LDB2: variants seen among roughly 807,000 people sequenced by gnomAD.
The protein encoded by LDB2 is LIM domain-binding protein 2.
Under a neutral mutation model 44.3 loss-of-function variants are expected in LDB2, and 12 were observed. The observed-to-expected ratio is 0.27, with a 90% confidence interval of 0.17 to 0.44. The LOEUF is 0.44. LDB2 is among the 20% of genes least tolerant of loss of function. The pLI, the probability that LDB2 is intolerant of heterozygous loss-of-function variation, is 1.00. For missense variants in LDB2, 344 were observed against 473.5 expected, an observed-to-expected ratio of 0.73 and a Z score of 2.54; for synonymous variants, 164 against 174.8, an observed-to-expected ratio of 0.94 and a Z score of 0.49.
intron 1 of LDB2, among the ~76,000 whole-genome samples, chr4:16,848,602 T>C (rs1445728884): frequency 6.6e-6 from 1 of 152,172 alleles, no homozygotes; most frequent in Non-Finnish European, 1.5e-5. Flanking sequence ...AACAGGATTT[T>C]AGCAGAAGCT....
intron 1 of LDB2, among the ~76,000 whole-genome samples, chr4:16,807,351 T>G (rs998210281): frequency 3.9e-5 from 6 of 152,202 alleles, no homozygotes; most frequent in African/African-American, 1.2e-4. Context: ...AAGTCATTCT[T>G]CTAACCAGGA....
At chr4:16,749,960 C>A (rs1339519218) in intron 2 of LDB2, among the ~76,000 whole-genome samples, 1 of 152,172 alleles carries the variant, frequency 6.6e-6, no homozygotes, top group Non-Finnish European at 1.5e-5. Context: ...ACTTCATCAA[C>A]ACCCGCTTCT....
At chr4:16,864,783 G>A (rs1400353891) in intron 1 of LDB2, among the ~76,000 whole-genome samples, 1 of 151,966 alleles carries the variant, frequency 6.6e-6, no homozygotes, top group Non-Finnish European at 1.5e-5. Context: ...AAATTAGCTG[G>A]GCGTGGTGGC....
intron 2 of LDB2, among the ~76,000 whole-genome samples, chr4:16,693,536 T>TA (rs1410351073): frequency 6.6e-6 from 1 of 152,114 alleles, no homozygotes; most frequent in Non-Finnish European, 1.5e-5. Context: ...TTGTAGTTTT[T>TA]AGTAGAGACG....
At chr4:16,884,952 C>A (rs1369791194) in intron 1 of LDB2, among the ~76,000 whole-genome samples, 1 of 151,992 alleles carries the variant, frequency 6.6e-6, no homozygotes, top group Non-Finnish European at 1.5e-5. Flanking sequence ...TTGCATGACT[C>A]CAGAAGTTAA....
chr4:16,853,633 C>A (rs545914241), intron 1 of LDB2, among the ~76,000 whole-genome samples: 1 of 152,150 alleles, frequency 6.6e-6, no homozygotes, highest in Non-Finnish European at 1.5e-5. Flanking sequence ...TGGACATATA[C>A]CCAAAGGAAA....
rs1420533722 is a variant in LDB2, at chr4:16,512,110, A to G, written c.616-6T>C. ...GGCTCCAATATTACACACAACTGCA[A>G]GAAGTTCAAAGACATTGGCATTTCA... On this transcript the variant is annotated splice_polypyrimidine_tract_variant and splice_region_variant and intron_variant, in intron 5 of 7. Transcript: ENST00000304523. 3 of 1,602,662 alleles carry G rather than the reference A, an allele frequency of 1.9e-6. No individual in the cohort carries two copies. Among genetic ancestry groups the G allele is most frequent in the Non-Finnish European group, 2.6e-6 (3 of 1,173,070 alleles).
At chr4:16,706,908 G>C (rs1273462909) in intron 2 of LDB2, among the ~76,000 whole-genome samples, 1 of 152,076 alleles carries the variant, frequency 6.6e-6, no homozygotes, top group African/African-American at 2.4e-5. Context: ...AGTAGTGTAC[G>C]AGCATAGCCT....
intron 1 of LDB2, among the ~76,000 whole-genome samples, chr4:16,778,075 T>C (rs1772345255): frequency 6.6e-6 from 1 of 152,174 alleles, no homozygotes; most frequent in Admixed American, 6.5e-5. Context: ...GCTCTCAGCA[T>C]ACCTCAACTT....
chr4:16,857,967 A>C (rs1789695597), intron 1 of LDB2, among the ~76,000 whole-genome samples: 1 of 151,998 alleles, frequency 6.6e-6, no homozygotes, highest in African/African-American at 2.4e-5. Context: ...TTGTTCAATA[A>C]ATATATTGAC....
In LDB2 at chr4:16,699,297, C is replaced by G. The variant is rs182811366; in HGVS notation, c.235+59861G>C. ...AAAGATTCTGCCATTCCTTTTTGAT[C>G]CATGTTGGAAAAATCCAACCAACGC... is the stretch of plus-strand genomic sequence containing the variant. On this transcript the variant is annotated intron_variant, in intron 2 of 7. Transcript: ENST00000304523. 6.1e-4 allele frequency among the ~76,000 whole-genome samples: 93 copies of G among 152,270 alleles called. No individual in the cohort carries two copies. The Middle Eastern group carries it at 0.014, about 22-fold the overall frequency.
At chr4:16,693,347 C>CTTT (rs71181181) in intron 2 of LDB2, among the ~76,000 whole-genome samples, 1,267 of 111,978 alleles carry the variant, frequency 0.011, 16 homozygotes, top group Non-Finnish European at 0.016. Flanking sequence ...AGCAATAGTT[C>CTTT]TTTTTTTTTT....
At chr4:16,866,455 G>T (rs77057886) in intron 1 of LDB2, among the ~76,000 whole-genome samples, 2,181 of 152,062 alleles carry the variant, frequency 0.014, 53 homozygotes, top group African/African-American at 0.05. Context: ...ATAAATCAAA[G>T]AATTTTGTAA....
intron 3 of LDB2, among the ~76,000 whole-genome samples, chr4:16,589,937 T>C (rs149158523): frequency 1.4e-4 from 21 of 152,326 alleles, no homozygotes; most frequent in African/African-American, 4.8e-4. Flanking sequence ...GAAATATCCT[T>C]GGGTAAGAAT....
intron 2 of LDB2, among the ~76,000 whole-genome samples, chr4:16,668,239 T>A (rs529045104): frequency 7.9e-4 from 121 of 152,236 alleles, no homozygotes; most frequent in African/African-American, 2.7e-3. Flanking sequence ...TGAAAAACAC[T>A]TTGGCAAAGT....
At chr4:16,672,628 T>C (rs1396671350) in intron 2 of LDB2, among the ~76,000 whole-genome samples, 1 of 152,174 alleles carries the variant, frequency 6.6e-6, no homozygotes. Flanking sequence ...GGCAGATAGA[T>C]ATATTATGGG....
chr4:16,616,771 C>T (rs993779416), intron 2 of LDB2, among the ~76,000 whole-genome samples: 4 of 152,032 alleles, frequency 2.6e-5, no homozygotes, highest in Admixed American at 2.6e-4. Context: ...GCTGCCTCCT[C>T]GAGTAAAAGT....
At chr4:16,643,406 A>G (rs2152513287) in intron 2 of LDB2, among the ~76,000 whole-genome samples, 2 of 152,362 alleles carry the variant, frequency 1.3e-5, no homozygotes, top group African/African-American at 4.8e-5. Context: ...ACAGACAGGT[A>G]TCAAGAAGTC....
rs540689117 is a variant in LDB2, at chr4:16,886,624, T to C, written c.132+11730A>G. On this transcript the variant is annotated intron_variant, in intron 1 of 7. Coordinates refer to ENST00000304523, the MANE Select transcript of LDB2 (RefSeq NM_001290.5). ...TTTTAAAACCAAAAAAGGAGACATG[T>C]ATTTTAAAGCACATGCAGCTTTATT... is the stretch of plus-strand genomic sequence containing the variant. 2.4e-3 allele frequency among the ~76,000 whole-genome samples: 361 copies of C among 152,318 alleles called. 3 individuals are homozygous for C. The highest frequency in any genetic ancestry group is 8.4e-3 in the African/African-American group (348 of 41,560).
Sources: gnomAD v4.1 joint callset for allele counts (sites outside exome capture counted in the v4.1 genomes callset) on GRCh38, gnomAD v4.1.1 for gene constraint, MANE v1.5 for transcripts, NCBI Gene and HGNC (gene_info 2026-07-23, HGNC 2026-07-21) for gene names.